Variants in GSK3B observed in about 807,000 individuals in gnomAD.
GSK3B encodes the protein glycogen synthase kinase 3 beta.
GSK3B carries 15 observed loss-of-function variants against 56.4 expected under a neutral mutation model. The observed-to-expected ratio is 0.27, with a 90% CI of 0.18 to 0.41. GSK3B has a LOEUF of 0.41. GSK3B is among the 10% of genes least tolerant of loss of function. GSK3B has a pLI of 1.00. For missense variants in GSK3B, 300 were observed against 513.4 expected, an observed-to-expected ratio of 0.58 and a Z score of 4.02; for synonymous variants, 181 against 188.9, an observed-to-expected ratio of 0.96 and a Z score of 0.34.
At chr3:119,972,617 A>G (rs1405257439) in intron 2 of GSK3B, among the ~76,000 whole-genome samples, 1 of 151,890 alleles carries the variant, frequency 6.6e-6, no homozygotes, top group Admixed American at 6.6e-5. Flanking sequence ...TTGTATTTTT[A>G]GTAGAGATGG....
At chr3:120,053,946 G>T (rs9842542) in intron 1 of GSK3B, among the ~76,000 whole-genome samples, 1 of 152,074 alleles carries the variant, frequency 6.6e-6, no homozygotes, top group Non-Finnish European at 1.5e-5. Flanking sequence ...CCAGTCTCGC[G>T]TATGTCTTTA....
intron 1 of GSK3B, chr3:120,028,823 A>G: frequency 2.3e-6 from 1 of 444,074 alleles, no homozygotes; most frequent in Non-Finnish European, 4.3e-6. Context: ...GCTGCAAGGA[A>G]CTCACTGAGG....
chr3:120,008,681 T>C (rs2107494430), intron 1 of GSK3B, among the ~76,000 whole-genome samples: 1 of 152,244 alleles, frequency 6.6e-6, no homozygotes, highest in South Asian at 2.1e-4. Flanking sequence ...CTGGACCCCT[T>C]CCTTACACCT....
chr3:119,977,149 A>C (rs1298232045), intron 2 of GSK3B, among the ~76,000 whole-genome samples: 1 of 152,186 alleles, frequency 6.6e-6, no homozygotes, highest in African/African-American at 2.4e-5. Context: ...AATTCCCTGA[A>C]AATTCCATTA....
At chr3:119,862,380 C>T (rs1249760739) in intron 9 of GSK3B, among the ~76,000 whole-genome samples, 2 of 75,462 alleles carry the variant, frequency 2.7e-5, no homozygotes, top group Admixed American at 2.0e-4. Flanking sequence ...GTGGTGGGGT[C>T]GGGGGAGGGG....
intron 10 of GSK3B, among the ~76,000 whole-genome samples, chr3:119,830,130 G>C (rs2055575759): frequency 6.6e-6 from 1 of 152,214 alleles, no homozygotes; most frequent in South Asian, 2.1e-4. Context: ...AGACCACCCA[G>C]CTTACTGACT....
intron 2 of GSK3B, among the ~76,000 whole-genome samples, chr3:119,990,457 T>C (rs7635604): frequency 0.098 from 14,900 of 152,248 alleles, 781 homozygotes; most frequent in South Asian, 0.15. Flanking sequence ...TTCGTGTTTC[T>C]TTCCTCTTTC....
chr3:120,045,903 A>C (rs1045625790), intron 1 of GSK3B, among the ~76,000 whole-genome samples: 3 of 152,262 alleles, frequency 2.0e-5, no homozygotes, highest in African/African-American at 7.2e-5. Context: ...TCAGGGACAA[A>C]AAGAAATTAG....
At chr3:120,075,553 C>T (rs558459791) in intron 1 of GSK3B, among the ~76,000 whole-genome samples, 1 of 152,058 alleles carries the variant, frequency 6.6e-6, no homozygotes, top group African/African-American at 2.4e-5. Flanking sequence ...GATATAAAAT[C>T]AACATAAAAA....
At chr3:119,860,839 A>C (rs535705547) in intron 9 of GSK3B, among the ~76,000 whole-genome samples, 1 of 152,294 alleles carries the variant, frequency 6.6e-6, no homozygotes, top group Non-Finnish European at 1.5e-5. Flanking sequence ...CTGAGCACCT[A>C]CTATATGTAC....
At chr3:119,887,911 A>C (rs185222660) in intron 7 of GSK3B, among the ~76,000 whole-genome samples, 29 of 152,232 alleles carry the variant, frequency 1.9e-4, no homozygotes, top group Admixed American at 7.2e-4. Context: ...TTCTTAACAG[A>C]AACAATGAAA....
intron 1 of GSK3B, among the ~76,000 whole-genome samples, chr3:120,026,051 C>T (rs2057920246): frequency 6.6e-6 from 1 of 152,194 alleles, no homozygotes; most frequent in South Asian, 2.1e-4. Context: ...CTCCTTCCAG[C>T]TCTTATTAAA....
chr3:119,865,106 G>C lies in GSK3B; in HGVS notation c.910-1501C>G, dbSNP rs2056159564. ...CTCCCAAGGTCCATAATCATATACA[G>C]AATGTAAAAAGAAAATAATCAGTGG... On this transcript the variant is annotated intron_variant, in intron 8 of 10. Coordinates refer to ENST00000264235, the MANE Select transcript of GSK3B (RefSeq NM_001146156.2). Among the ~76,000 whole-genome samples the C allele has an allele frequency of 2.0e-5, 3 of 152,066 alleles. 1 individual carries two copies. In the South Asian group the frequency reaches 6.2e-4, roughly 32 times the overall value.
chr3:119,925,270 A>AC (rs1487754201), intron 3 of GSK3B, among the ~76,000 whole-genome samples: 8 of 152,214 alleles, frequency 5.3e-5, no homozygotes, highest in Non-Finnish European at 1.2e-4. Context: ...CAAAGGTTGC[A>AC]ATAAGCCAAG....
intron 1 of GSK3B, among the ~76,000 whole-genome samples, chr3:120,051,442 G>T (rs925139950): frequency 2.0e-5 from 3 of 152,064 alleles, no homozygotes; most frequent in African/African-American, 2.4e-5. Flanking sequence ...ATGAATAAAG[G>T]TTTTTTAAAA....
chr3:120,070,698 T>C (rs1014528230), intron 1 of GSK3B, among the ~76,000 whole-genome samples: 15 of 152,224 alleles, frequency 9.9e-5, no homozygotes, highest in African/African-American at 3.6e-4. Context: ...CTGTGTTGAA[T>C]AGTCAACTTA....
intron 2 of GSK3B, among the ~76,000 whole-genome samples, chr3:119,995,721 G>A (rs575392430): frequency 6.8e-6 from 1 of 147,936 alleles, no homozygotes; most frequent in South Asian, 2.1e-4. Flanking sequence ...ACCGCACCCG[G>A]CCTAAGCCTG....
chr3:120,005,267 C>T (rs955309573), intron 1 of GSK3B, among the ~76,000 whole-genome samples: 14 of 152,004 alleles, frequency 9.2e-5, no homozygotes, highest in Non-Finnish European at 1.5e-4. Flanking sequence ...TCAAGAAATA[C>T]GGCATTATGT....
chr3:119,889,148 C>T (rs552105007), intron 7 of GSK3B, among the ~76,000 whole-genome samples: 82 of 152,098 alleles, frequency 5.4e-4, no homozygotes, highest in African/African-American at 2.0e-3. Context: ...TTCTTGCATC[C>T]CCTCCCCTTT....
Sources: allele counts gnomAD v4.1 joint callset (sites outside exome capture counted in the v4.1 genomes callset), GRCh38; gene constraint gnomAD v4.1.1; transcripts MANE v1.5; gene names NCBI Gene and HGNC (gene_info 2026-07-23, HGNC 2026-07-21).